NDST4: variants seen among roughly 807,000 people sequenced by gnomAD.
NDST4 encodes the protein N-heparan sulfate sulfotransferase 4.
NDST4 carries 63 observed loss-of-function variants against 100.8 expected under a neutral mutation model. That is an observed-to-expected ratio of 0.62 (90% CI 0.51 to 0.77). The LOEUF (loss-of-function observed/expected upper bound fraction) is 0.77, where lower values mean the gene tolerates loss of function less well. NDST4 is among the 30% of genes least tolerant of loss of function. The probability of loss-of-function intolerance (pLI) is 0.00; values close to 1 mark genes in which losing one functional copy is unlikely to be tolerated. For missense variants in NDST4, 943 were observed against 1,018.4 expected, an observed-to-expected ratio of 0.93 and a Z score of 1.01; for synonymous variants, 377 against 361.8, an observed-to-expected ratio of 1.04 and a Z score of -0.48.
chr4:114,902,166 T>C (rs1316764758), intron 6 of NDST4, among the ~76,000 whole-genome samples: 1 of 152,042 alleles, frequency 6.6e-6, no homozygotes, highest in African/African-American at 2.4e-5. Context: ...ACACTTATTT[T>C]TTTCTCAAAT....
intron 2 of NDST4, among the ~76,000 whole-genome samples, chr4:115,047,097 C>T (rs557344174): frequency 1.1e-3 from 167 of 152,080 alleles, no homozygotes; most frequent in African/African-American, 3.9e-3. Context: ...AAAAAAAATA[C>T]GATTTTGTTT....
intron 1 of NDST4, among the ~76,000 whole-genome samples, chr4:115,092,452 A>AG (rs1297448467): frequency 7.3e-6 from 1 of 137,290 alleles, no homozygotes; most frequent in African/African-American, 2.5e-5. Context: ...ATATAAGTGA[A>AG]GTTAAAAAAT....
chr4:114,884,315 T>TGGGA (rs907422376), intron 6 of NDST4, among the ~76,000 whole-genome samples: 6 of 152,058 alleles, frequency 3.9e-5, no homozygotes, highest in African/African-American at 1.4e-4. Context: ...TAGTCAGAAT[T>TGGGA]GGGAGGAGAA....
chr4:115,066,882 C>T (rs1038351096), intron 2 of NDST4, among the ~76,000 whole-genome samples: 4 of 152,120 alleles, frequency 2.6e-5, no homozygotes, highest in African/African-American at 9.7e-5. Context: ...TCCTAACTAC[C>T]ACATTCTCTG....
chr4:115,089,933 C>CAAT (rs573172515), intron 1 of NDST4, among the ~76,000 whole-genome samples: 189 of 151,698 alleles, frequency 1.2e-3, no homozygotes, highest in African/African-American at 4.3e-3. Flanking sequence ...GTATATGTCC[C>CAAT]CACAGAATTT....
At chr4:115,067,112 C>T (rs1728965507) in intron 2 of NDST4, among the ~76,000 whole-genome samples, 1 of 152,168 alleles carries the variant, frequency 6.6e-6, no homozygotes, top group African/African-American at 2.4e-5. Context: ...GCTACACTTG[C>T]CAATTGCATG....
chr4:115,013,068 G>A (rs908481128), intron 2 of NDST4, among the ~76,000 whole-genome samples: 5 of 149,146 alleles, frequency 3.4e-5, no homozygotes, highest in Non-Finnish European at 5.9e-5. Context: ...GGGGGTACTG[G>A]GTGGGGGTAG....
intron 1 of NDST4, among the ~76,000 whole-genome samples, chr4:115,082,917 C>A (rs951240823): frequency 6.6e-6 from 1 of 151,922 alleles, no homozygotes; most frequent in Non-Finnish European, 1.5e-5. Context: ...AAAATGTCTA[C>A]CAAAAATGGA....
At chr4:114,974,031 T>C (rs1578423827) in intron 3 of NDST4, among the ~76,000 whole-genome samples, 2 of 151,918 alleles carry the variant, frequency 1.3e-5, no homozygotes, top group East Asian at 3.8e-4. Context: ...TTGATAATAT[T>C]TGAATCTTAT....
chr4:114,925,481 A>G (rs1725368748), intron 6 of NDST4, among the ~76,000 whole-genome samples: 1 of 152,156 alleles, frequency 6.6e-6, no homozygotes, highest in African/African-American at 2.4e-5. Flanking sequence ...GCACTAATCC[A>G]TAATGTACTG....
At chr4:115,015,346 T>A (rs1727651624) in intron 2 of NDST4, among the ~76,000 whole-genome samples, 1 of 152,082 alleles carries the variant, frequency 6.6e-6, no homozygotes, top group Non-Finnish European at 1.5e-5. Flanking sequence ...CACTATAGGC[T>A]CTTTTGGGAT....
At chr4:115,006,119 G>GA (rs201288829) in intron 2 of NDST4, among the ~76,000 whole-genome samples, 217 of 149,630 alleles carry the variant, frequency 1.5e-3, no homozygotes, top group African/African-American at 3.8e-3. Context: ...AAGAAAAAAA[G>GA]AAAAAAAAGA....
chr4:114,982,263 T>G (rs1409105092), intron 2 of NDST4, among the ~76,000 whole-genome samples: 1 of 152,154 alleles, frequency 6.6e-6, no homozygotes, highest in Non-Finnish European at 1.5e-5. Context: ...GTGGGAAAGG[T>G]TGGAACTTCC....
chr4:115,046,955 G>T (rs1004386591), intron 2 of NDST4, among the ~76,000 whole-genome samples: 2 of 151,930 alleles, frequency 1.3e-5, no homozygotes, highest in Non-Finnish European at 2.9e-5. Flanking sequence ...TTCATCCCAA[G>T]AACACTTTAA....
At chr4:114,902,678 C>G (rs1040336606) in intron 6 of NDST4, among the ~76,000 whole-genome samples, 4 of 151,880 alleles carry the variant, frequency 2.6e-5, no homozygotes, top group African/African-American at 9.7e-5. Context: ...CTCTCTTTCT[C>G]TCTTTTTGAT....
chr4:114,956,811 A>T (rs1052773991), intron 4 of NDST4, among the ~76,000 whole-genome samples: 1 of 152,154 alleles, frequency 6.6e-6, no homozygotes, highest in Non-Finnish European at 1.5e-5. Context: ...ATGGCAACAA[A>T]AATACATCCT....
At position 114,986,793 on chromosome 4, in the gene NDST4, C is replaced by CATACATATATATAT. The variant is rs1553959380; in HGVS notation, c.979-9520_979-9519insATATATATATGTAT. Among the ~76,000 whole-genome samples the CATACATATATATAT allele has an allele frequency of 1.6e-3, 148 of 91,122 alleles. 2 individuals carry two copies. Among genetic ancestry groups the CATACATATATATAT allele is most frequent in the Middle Eastern group, 7.5e-3 (1 of 134 alleles). 59.8% of individuals were successfully genotyped at this position (91,122 alleles called of 152,430 possible). On this transcript the variant is annotated intron_variant, in intron 2 of 13. Transcript: ENST00000264363. ...CCTCTAAGCCTGGTATCCAATTATA[C>CATACATATATATAT]ATATATATATATATATATATATATA... is the stretch of plus-strand genomic sequence containing the variant.
At chr4:114,931,109 C>T (rs2126223510) in intron 6 of NDST4, among the ~76,000 whole-genome samples, 2 of 152,038 alleles carry the variant, frequency 1.3e-5, no homozygotes, top group East Asian at 3.9e-4. Context: ...GCCTAATAGG[C>T]TCCTCTGATA....
chr4:115,001,017 C>A (rs536996023), intron 2 of NDST4, among the ~76,000 whole-genome samples: 1 of 152,166 alleles, frequency 6.6e-6, no homozygotes, highest in African/African-American at 2.4e-5. Flanking sequence ...ATTCATGAGG[C>A]CTTCATCCTC....
Sources: gnomAD v4.1 joint callset for allele counts (sites outside exome capture counted in the v4.1 genomes callset) on GRCh38, gnomAD v4.1.1 for gene constraint, MANE v1.5 for transcripts, NCBI Gene and HGNC (gene_info 2026-07-23, HGNC 2026-07-21) for gene names.